Variants in BTD observed in about 807,000 individuals in gnomAD.
BTD encodes biotinidase.
Under a neutral mutation model 17.7 loss-of-function variants are expected in BTD, and 13 were observed. The observed-to-expected ratio is 0.74, with a 90% confidence interval of 0.48 to 1.17. The LOEUF is 1.17. Among genes scored for constraint, BTD ranks in the 50% most tolerant of loss-of-function variants. The pLI, the probability that BTD is intolerant of heterozygous loss-of-function variation, is 0.00. For synonymous variants in BTD, 240 were observed against 245.2 expected, an observed-to-expected ratio of 0.98 and a Z score of 0.20; for missense variants, 674 against 650.4, an observed-to-expected ratio of 1.04 and a Z score of -0.39.
In BTD at chr3:15,649,925, C is replaced by T. The variant is rs1405008170; in HGVS notation, c.*4437C>T. Among the ~76,000 whole-genome samples, 3 of 152,356 alleles carry T rather than the reference C, an allele frequency of 2.0e-5. No homozygotes were observed. The East Asian group carries it at 5.8e-4, about 29-fold the overall frequency. On this transcript the variant is annotated 3_prime_UTR_variant, in exon 4 of 4. Transcript: ENST00000643237. ...AATGGTCTCCCTTAACTGCCATGAG[C>T]CCTAAAGAAGGTTTGCTACAGCTAT...
chr3:15,627,323 A>T (rs924538658), intron 1 of BTD, among the ~76,000 whole-genome samples: 2 of 152,208 alleles, frequency 1.3e-5, no homozygotes, highest in African/African-American at 4.8e-5. Flanking sequence ...CCCAGGCTCA[A>T]GTGATGCTCC....
chr3:15,692,888 A>C (rs1236892662), intron 3 of BTD, among the ~76,000 whole-genome samples: 2 of 152,246 alleles, frequency 1.3e-5, no homozygotes, highest in Non-Finnish European at 2.9e-5. Flanking sequence ...TGAATGGATA[A>C]AGAAAAATGT....
intron 1 of BTD, among the ~76,000 whole-genome samples, chr3:15,604,437 C>G (rs552215402): frequency 6.6e-6 from 1 of 152,232 alleles, no homozygotes; most frequent in Non-Finnish European, 1.5e-5. Flanking sequence ...GGACCCTGGA[C>G]CTGACCCATG....
intron 3 of BTD, among the ~76,000 whole-genome samples, chr3:15,693,616 G>A (rs112028612): frequency 1.6e-4 from 25 of 152,218 alleles, no homozygotes; most frequent in African/African-American, 6.0e-4. Context: ...TGCTGCTGCT[G>A]CTGCTGCTGC....
At chr3:15,654,885 C>T (rs1287739052), downstream of BTD, among the ~76,000 whole-genome samples, 3 of 152,230 alleles carry the variant, frequency 2.0e-5, no homozygotes, top group Admixed American at 6.5e-5. Flanking sequence ...CAGGCATGCG[C>T]CACCATACCC....
chr3:15,690,322 T>C (rs1024439383), intron 3 of BTD: 7 of 984,004 alleles, frequency 7.1e-6, no homozygotes, highest in African/African-American at 3.3e-5. Context: ...CATATTATTA[T>C]CCTACTTGAG....
At chr3:15,702,328 G>A (rs1366700219) in intron 3 of BTD, among the ~76,000 whole-genome samples, 1 of 152,146 alleles carries the variant, frequency 6.6e-6, no homozygotes, top group Non-Finnish European at 1.5e-5. Flanking sequence ...GCTTGATCTT[G>A]AAAATGTGAA....
rs1284099945 is a variant in BTD, at chr3:15,646,318, T to A, written c.*830T>A. ...AATCACGGTAGCTTTGGGCAAGAGT[T>A]GGGCACGTTGCCCGACTGTGCAGGA... On this transcript the variant is annotated 3_prime_UTR_variant, in exon 4 of 4. Coordinates refer to ENST00000643237, the MANE Select transcript of BTD (RefSeq NM_001370658.1). 6.6e-6 allele frequency: 1 copy of A among 152,296 alleles called. No homozygotes were observed. The highest frequency in any genetic ancestry group is 1.5e-5 in the Non-Finnish European group (1 of 68,108). 9.4% of individuals were successfully genotyped at this position (152,296 alleles called of 1,614,324 possible). A position where few individuals can be genotyped will look rare whatever the true frequency, so the allele number is the denominator to read the frequency against.
At chr3:15,626,158 T>G (rs2065061040) in intron 1 of BTD, among the ~76,000 whole-genome samples, 1 of 152,242 alleles carries the variant, frequency 6.6e-6, no homozygotes, top group African/African-American at 2.4e-5. Context: ...GATGCTATTA[T>G]TCCTGTTGTT....
At chr3:15,671,989 G>T (rs1475388413) in intron 3 of BTD, among the ~76,000 whole-genome samples, 2 of 151,958 alleles carry the variant, frequency 1.3e-5, no homozygotes, top group Non-Finnish European at 2.9e-5. Flanking sequence ...TATCAATGTT[G>T]TATGTAACTG....
intron 3 of BTD, chr3:15,685,055 C>T: frequency 1.6e-6 from 1 of 628,928 alleles, no homozygotes; most frequent in Middle Eastern, 4.4e-4. Flanking sequence ...TTTAGCATGA[C>T]AAAGGACAGG....
chr3:15,672,995 C>T (rs934477128), intron 3 of BTD, among the ~76,000 whole-genome samples: 6 of 145,710 alleles, frequency 4.1e-5, no homozygotes, highest in Non-Finnish European at 7.5e-5. Context: ...GGGCTGGTCT[C>T]GAACTCCTGA....
At chr3:15,719,406 G>A (rs2073447260) in intron 4 of BTD, among the ~76,000 whole-genome samples, 1 of 152,018 alleles carries the variant, frequency 6.6e-6, no homozygotes, top group South Asian at 2.1e-4. Context: ...GATACAGTTT[G>A]GCAAGTGCTC....
intron 3 of BTD, chr3:15,694,769 A>G (rs1294917505): frequency 6.2e-7 from 1 of 1,613,536 alleles, no homozygotes; most frequent in Non-Finnish European, 8.5e-7. Context: ...TTGTTGCTCT[A>G]TTATCTGAAT....
In BTD at chr3:15,649,175, G is replaced by A. The variant is rs1026322429; in HGVS notation, c.*3687G>A. 6.6e-6 allele frequency among the ~76,000 whole-genome samples: 1 copy of A among 152,230 alleles called. No individual in the cohort carries two copies. The highest frequency in any genetic ancestry group is 1.5e-5 in the Non-Finnish European group (1 of 68,042). ...CCATTCACACAGCTGGCACGTTGGT[G>A]CTGGCTGCTAGCAAAAGGTCTCAGC... On this transcript the variant is annotated 3_prime_UTR_variant, in exon 4 of 4. Transcript: ENST00000643237.
intron 1 of BTD, among the ~76,000 whole-genome samples, chr3:15,611,327 G>A: frequency 6.6e-6 from 1 of 152,142 alleles, no homozygotes; most frequent in East Asian, 1.9e-4. Context: ...AGATGACTCT[G>A]AAAATGGAAG....
rs188129707 is a variant in BTD, at chr3:15,683,238, T to C, written c.400-26822T>C. On this transcript the variant is annotated intron_variant, in intron 3 of 3. Transcript: ENST00000672141. ...GTAAGTCTTTGCTTCTGAACAGTTT[T>C]ATCTCACTGACTTTTTTACAGAAAC... Among the ~76,000 whole-genome samples the C allele has an allele frequency of 3.5e-3, 529 of 152,336 alleles. 2 individuals are homozygous for C. Among genetic ancestry groups the C allele is most frequent in the Non-Finnish European group, 4.8e-3 (327 of 68,016 alleles).
At chr3:15,659,957 C>G (rs1403483718) in intron 3 of BTD, among the ~76,000 whole-genome samples, 2 of 152,186 alleles carry the variant, frequency 1.3e-5, no homozygotes, top group African/African-American at 4.8e-5. Context: ...AAAGTGACAG[C>G]GTTCAGATTC....
At chr3:15,602,062 C>G (rs2064275059) in intron 1 of BTD, 168 bp downstream of exon 1, 29 of 1,450,584 alleles carry the variant, frequency 2.0e-5, no homozygotes, top group South Asian at 5.8e-5. Flanking sequence ...TGCTGCTGTG[C>G]TACCGCGTTG....
Sources: gnomAD v4.1 joint callset for allele counts (sites outside exome capture counted in the v4.1 genomes callset) on GRCh38, gnomAD v4.1.1 for gene constraint, MANE v1.5 for transcripts, NCBI Gene and HGNC (gene_info 2026-07-23, HGNC 2026-07-21) for gene names.